The following MGAT1 variants were observed in gnomAD, a reference collection of about 807,000 sequenced individuals.
The protein encoded by MGAT1 is N-glycosyl-oligosaccharide-glycoprotein N-acetylglucosaminyltransferase I.
MGAT1 carries 14 observed loss-of-function variants against 31.7 expected under a neutral mutation model. That is an observed-to-expected ratio of 0.44 (90% CI 0.29 to 0.69). MGAT1 has a LOEUF of 0.69. Ranked by LOEUF, MGAT1 falls within the 30% of genes least tolerant of loss-of-function variation. MGAT1 has a pLI of 0.12. For synonymous variants in MGAT1, 338 were observed against 276.0 expected, an observed-to-expected ratio of 1.22 and a Z score of -2.23; for missense variants, 557 against 626.0, an observed-to-expected ratio of 0.89 and a Z score of 1.18.
intron 2 of MGAT1, among the ~76,000 whole-genome samples, chr5:180,808,016 T>G (rs1177551344): frequency 6.6e-6 from 1 of 152,192 alleles, no homozygotes; most frequent in Non-Finnish European, 1.5e-5. Flanking sequence ...GGAAAGTCAG[T>G]TTTCCCCCAT....
chr5:180,805,559 G>A (rs1299208272), upstream of MGAT1, among the ~76,000 whole-genome samples: 1 of 152,154 alleles, frequency 6.6e-6, no homozygotes, highest in Non-Finnish European at 1.5e-5. Flanking sequence ...AGACCAGCCT[G>A]GCCAACATAG....
At chr5:180,814,476 C>G (rs1330802494) in intron 1 of MGAT1, among the ~76,000 whole-genome samples, 1 of 152,212 alleles carries the variant, frequency 6.6e-6, no homozygotes, top group African/African-American at 2.4e-5. Flanking sequence ...CCTTTTCTCT[C>G]TTTACCCACC....
chr5:180,802,865 G>T (rs1233445731), upstream of MGAT1: 1 of 150,334 alleles, frequency 6.7e-6, no homozygotes, highest in African/African-American at 2.4e-5. Context: ...CAGGCGGGGC[G>T]GGGCGGGGCG....
chr5:180,810,095 T>C (rs1386376523), intron 1 of MGAT1: 2 of 118,396 alleles, frequency 1.7e-5, no homozygotes, highest in African/African-American at 3.3e-5. Context: ...CGGGTCGCAA[T>C]CCAGGCCCCA....
upstream of MGAT1, chr5:180,803,667 G>C (rs974612423): frequency 1.3e-5 from 2 of 152,356 alleles, no homozygotes; most frequent in African/African-American, 4.8e-5. Flanking sequence ...AGGGGCTCCA[G>C]CGCACAGAGC....
upstream of MGAT1, among the ~76,000 whole-genome samples, chr5:180,804,400 T>G (rs947190662): frequency 4.6e-5 from 7 of 152,154 alleles, no homozygotes; most frequent in Non-Finnish European, 8.8e-5. Flanking sequence ...AGCCTCCGCT[T>G]AAGTGGCCAG....
chr5:180,807,029 G>T (rs1191844289), upstream of MGAT1, among the ~76,000 whole-genome samples: 9 of 152,222 alleles, frequency 5.9e-5, no homozygotes, highest in African/African-American at 2.2e-4. Context: ...GGGAGCAGCA[G>T]CTCCACCCAG....
chr5:180,811,626 T>C (rs953844722), intron 1 of MGAT1, among the ~76,000 whole-genome samples: 68 of 135,008 alleles, frequency 5.0e-4, no homozygotes, highest in African/African-American at 2.4e-3. Flanking sequence ...CACACCCCCC[T>C]TCATCCCTCA....
At chr5:180,804,464 G>A (rs1457270093), upstream of MGAT1, among the ~76,000 whole-genome samples, 3 of 152,230 alleles carry the variant, frequency 2.0e-5, no homozygotes, top group Non-Finnish European at 4.4e-5. Context: ...AGGCCGCCGT[G>A]TGCAGTGTGC....
chr5:180,800,361 A>G (rs1298325171), intron 1 of MGAT1, among the ~76,000 whole-genome samples: 2 of 152,238 alleles, frequency 1.3e-5, no homozygotes, highest in Non-Finnish European at 2.9e-5. Context: ...TTGGTCAGAA[A>G]TGTGGACAGT....
At chr5:180,815,057 C>T (rs1000890641) in intron 1 of MGAT1, among the ~76,000 whole-genome samples, 2 of 152,112 alleles carry the variant, frequency 1.3e-5, no homozygotes, top group Non-Finnish European at 2.9e-5. Flanking sequence ...AGTTGAGGGG[C>T]TGCATTTGGT....
exon 2 of MGAT1, chr5:180,808,847 C>T (rs1297358494): frequency 1.3e-5 from 2 of 152,238 alleles, no homozygotes; most frequent in African/African-American, 4.8e-5. Flanking sequence ...CCCTCCCCCC[C>T]CACTGCAGAC....
intron 1 of MGAT1, among the ~76,000 whole-genome samples, chr5:180,799,490 G>A (rs559025169): frequency 1.3e-5 from 2 of 152,200 alleles, no homozygotes; most frequent in South Asian, 4.1e-4. Context: ...CTCTCTCCAC[G>A]CTGTAACAGA....
chr5:180,791,728 C>CCA lies in MGAT1; in HGVS notation c.1242_1243dup (p.Gly415ValfsTer22), dbSNP rs776874340. ...CTGGAAGGTGACAATACCCCGGTAG[C>CCA]CAGCTCTCGGAACCCCCGACTTAAG... On this transcript the variant is annotated frameshift_variant, in exon 2 of 2. Transcript: ENST00000307826. LOFTEE classifies it high-confidence loss of function. 1.2e-6 allele frequency: 2 copies of CCA among 1,611,898 alleles called. No homozygotes were observed. The highest frequency in any genetic ancestry group is 1.1e-5 in the South Asian group (1 of 91,076).
In MGAT1 at chr5:180,792,585, C is replaced by T; in HGVS notation, c.387G>A (p.Arg129=). ...TGATGGGGAAGAGCTCAGCCGAGGG[C>T]CGATAATGCAGCAGCTTGTCCAGGC... The part of the protein sequence containing the change: ...RRCLDKLLHY[R]PSAELFPIIV... Residue 129 remains arginine (R), a synonymous_variant, in exon 2 of 2, where the codon CGG becomes CGA. Coordinates refer to ENST00000307826, the MANE Select transcript of MGAT1 (RefSeq NM_002406.4). 6.2e-7 allele frequency: 1 copy of T among 1,611,704 alleles called. No homozygotes were observed. Among genetic ancestry groups the T allele is most frequent in the Non-Finnish European group, 8.5e-7 (1 of 1,179,184 alleles).
intron 1 of MGAT1, among the ~76,000 whole-genome samples, chr5:180,797,602 C>A (rs1305242626): frequency 6.6e-6 from 1 of 152,176 alleles, no homozygotes; most frequent in Non-Finnish European, 1.5e-5. Flanking sequence ...ATGCTTAGGA[C>A]CTCCTGCCCC....
At chr5:180,805,601 T>C (rs915116030), upstream of MGAT1, among the ~76,000 whole-genome samples, 2 of 151,772 alleles carry the variant, frequency 1.3e-5, no homozygotes, top group African/African-American at 2.4e-5. Context: ...AATACAAAAA[T>C]TAGCCAAGTG....
chr5:180,793,744 A>G (rs532029100), intron 1 of MGAT1, among the ~76,000 whole-genome samples: 9 of 152,362 alleles, frequency 5.9e-5, no homozygotes, highest in Non-Finnish European at 1.0e-4. Context: ...ATCAACATAT[A>G]CTAATGGATA....
At chr5:180,811,748 A>G (rs1326251978) in intron 1 of MGAT1, among the ~76,000 whole-genome samples, 1 of 151,630 alleles carries the variant, frequency 6.6e-6, no homozygotes, top group East Asian at 1.9e-4. Flanking sequence ...GCGGCTCCTC[A>G]GTTTACTTGA....
Sources: gnomAD v4.1 joint callset for allele counts (sites outside exome capture counted in the v4.1 genomes callset) on GRCh38, gnomAD v4.1.1 for gene constraint, MANE v1.5 for transcripts, NCBI Gene and HGNC (gene_info 2026-07-23, HGNC 2026-07-21) for gene names.